Variants in MYO15B observed in about 807,000 individuals in gnomAD.
MYO15B encodes the protein myosin XVB pseudogene.
In MYO15B, 207 loss-of-function variants were observed where a neutral mutation model predicts 119.3. The observed-to-expected ratio is 1.73, with a 90% CI of 1.55 to 1.95. The LOEUF (loss-of-function observed/expected upper bound fraction) is 1.95. Ranked by LOEUF, MYO15B falls within the 30% of genes most tolerant of loss-of-function variation. The pLI is 0.00. For synonymous variants in MYO15B, 966 were observed against 498.9 expected, an observed-to-expected ratio of 1.94 and a Z score of -12.48; for missense variants, 2,264 against 1,203.1, an observed-to-expected ratio of 1.88 and a Z score of -13.04.
exon 34 of MYO15B, chr17:75,615,246 C>T (rs1163202907): frequency 2.8e-6 from 2 of 702,490 alleles, no homozygotes; most frequent in Admixed American, 2.0e-5. Flanking sequence ...TCAGTGTACC[C>T]AGGAATGATT....
At chr17:75,610,720 G>A in intron 22 of MYO15B, 180 bp from the exon 23 acceptor site, 1 of 608,072 alleles carries the variant, frequency 1.6e-6, no homozygotes, top group Non-Finnish European at 3.0e-6. Flanking sequence ...GACGCCCACA[G>A]TGCTAAGGCT....
At chr17:75,598,317 G>A (rs1041791325) in intron 14 of MYO15B, among the ~76,000 whole-genome samples, 1 of 151,142 alleles carries the variant, frequency 6.6e-6, no homozygotes, top group African/African-American at 2.4e-5. Flanking sequence ...GGTGGCTCAC[G>A]CCTGTAATCC....
chr17:75,598,002 G>A (rs921864693), intron 14 of MYO15B, among the ~76,000 whole-genome samples: 6 of 152,118 alleles, frequency 3.9e-5, no homozygotes, highest in Non-Finnish European at 1.5e-5. Flanking sequence ...GGGCGTGTGG[G>A]GCAGGGAGAG....
intron 15 of MYO15B, among the ~76,000 whole-genome samples, chr17:75,601,803 C>G (rs2057302965): frequency 2.0e-5 from 3 of 152,234 alleles, no homozygotes; most frequent in African/African-American, 7.2e-5. Flanking sequence ...GGGCAGAGCA[C>G]AAGCATGGGA....
chr17:75,613,539 C>T (rs1457256408), intron 28 of MYO15B, 68 bp downstream of exon 28: 9 of 650,302 alleles, frequency 1.4e-5, no homozygotes, highest in Non-Finnish European at 2.2e-5. Context: ...TTTGCCCTCC[C>T]TGGAACCCCT....
chr17:75,598,710 C>T (rs79381956), intron 14 of MYO15B, among the ~76,000 whole-genome samples: 14,473 of 151,920 alleles, frequency 0.095, 804 homozygotes, highest in African/African-American at 0.15. Flanking sequence ...AATACTTATA[C>T]GTATGTAAAG....
exon 14 of MYO15B, chr17:75,596,887 A>G (rs755553410): frequency 5.7e-6 from 4 of 701,776 alleles, no homozygotes; most frequent in East Asian, 2.7e-5. Flanking sequence ...ACGCCCAGAC[A>G]TGGCTGTCCC....
At position 75,589,767 on chromosome 17, in the gene MYO15B, C is replaced by CA. The variant is rs2056319893; in HGVS notation, c.1711dup (p.Thr571AsnfsTer17). The CA allele has an allele frequency of 5.0e-6, 2 of 398,456 alleles. No homozygotes were observed. The highest frequency in any genetic ancestry group is 4.1e-5 in the African/African-American group (2 of 48,550). 24.7% of individuals were successfully genotyped at this position (398,456 alleles called of 1,614,324 possible). A position where few individuals can be genotyped will look rare whatever the true frequency, so the allele number is the denominator to read the frequency against. ...CTGAAGAAGCGTCCGCAGATGCCCC[C>CA]ACGGGGGAAGGCCGAGGTTGGCCTC... On this transcript the variant is annotated frameshift_variant, in exon 1 of 64. Coordinates refer to ENST00000645453, the Ensembl canonical transcript of MYO15B. LOFTEE classifies it high-confidence loss of function. The surrounding 1 kb of genome is among the most constrained non-coding windows in gnomAD (Gnocchi z 4.2).
chr17:75,592,448 C>T (rs2056534908), exon 8 of MYO15B: 3 of 615,150 alleles, frequency 4.9e-6, no homozygotes, highest in Non-Finnish European at 8.7e-6. Flanking sequence ...AGCGGAGCTT[C>T]CATGTTTTTT....
At chr17:75,605,973 A>G in exon 21 of MYO15B, 2 of 702,590 alleles carry the variant, frequency 2.8e-6, no homozygotes. Flanking sequence ...ATCTCCCGCC[A>G]GCGCGTCCTG....
chr17:75,601,359 C>T (rs534255094), intron 14 of MYO15B, 79 bp from the exon 15 acceptor site: 98 of 679,826 alleles, frequency 1.4e-4, no homozygotes, highest in Non-Finnish European at 1.6e-4. Flanking sequence ...AGGCAGTACT[C>T]GTGCTCACCG....
chr17:75,596,958 G>A (rs985789322), intron 14 of MYO15B, 59 bp downstream of exon 14: 1 of 641,086 alleles, frequency 1.6e-6, no homozygotes, highest in Non-Finnish European at 2.8e-6. Context: ...GGCCCTGGGT[G>A]TCCAGGCTGT....
chr17:75,618,832 C>T (rs1384215483), intron 43 of MYO15B, among the ~76,000 whole-genome samples: 2 of 152,218 alleles, frequency 1.3e-5, no homozygotes, highest in Non-Finnish European at 2.9e-5. Context: ...TGCAGTAGCA[C>T]CTGCCCCCTG....
intron 19 of MYO15B, among the ~76,000 whole-genome samples, chr17:75,604,100 T>A: frequency 6.6e-6 from 1 of 152,088 alleles, no homozygotes; most frequent in Non-Finnish European, 1.5e-5. Flanking sequence ...AGGCAGGCAG[T>A]AGGGATGGGT....
intron 49 of MYO15B, 39 bp from the exon 50 acceptor site, chr17:75,620,992 C>G (rs568251650): frequency 1.4e-6 from 1 of 702,920 alleles, no homozygotes; most frequent in South Asian, 1.5e-5. Context: ...GGACAGGGCA[C>G]TGGACACTCA....
At chr17:75,594,453 C>G in intron 9 of MYO15B, 22 bp from the exon 10 acceptor site, 3 of 593,918 alleles carry the variant, frequency 5.1e-6, no homozygotes, top group Non-Finnish European at 6.0e-6. Flanking sequence ...AGAGATCTCC[C>G]TGTCCCTCCC....
chr17:75,607,829 T>C (rs568796050), intron 21 of MYO15B, among the ~76,000 whole-genome samples: 230 of 152,238 alleles, frequency 1.5e-3, no homozygotes, highest in African/African-American at 5.3e-3. Flanking sequence ...TTCTATCATA[T>C]GGTAATTCTA....
At position 75,615,684 on chromosome 17, in the gene MYO15B, C is replaced by T. The variant is rs1568196536; in HGVS notation, c.5839-9C>T. 1.5e-6 allele frequency: 1 copy of T among 672,504 alleles called. No homozygotes were observed. Among genetic ancestry groups the T allele is most frequent in the Admixed American group, 2.1e-5 (1 of 47,484 alleles). 41.7% of individuals were successfully genotyped at this position (672,504 alleles called of 1,614,324 possible). On this transcript the variant is annotated splice_polypyrimidine_tract_variant and intron_variant, in intron 35 of 63. Coordinates refer to ENST00000645453, the Ensembl canonical transcript of MYO15B. ...TGAGGGTCTGAACTGGCTGCTCCTC[C>T]TGCTTCAGGCCCAGCAGATGACAGC...
chr17:75,602,462 T>C (rs1346044877), intron 15 of MYO15B, 55 bp from the exon 16 acceptor site: 1 of 702,742 alleles, frequency 1.4e-6, no homozygotes, highest in Non-Finnish European at 2.6e-6. Context: ...CCCTCCTTGG[T>C]TCCTGTTCTC....
Sources: gnomAD v4.1 joint callset for allele counts (sites outside exome capture counted in the v4.1 genomes callset) on GRCh38, gnomAD v4.1.1 for gene constraint, Gnocchi (gnomAD v3.1) non-coding constraint, MANE v1.5 for transcripts, NCBI Gene and HGNC (gene_info 2026-07-23, HGNC 2026-07-21) for gene names.